The following ATP8A2 variants were observed in gnomAD, a reference collection of about 807,000 sequenced individuals.
The protein encoded by ATP8A2 is phospholipid-transporting ATPase IB.
ATP8A2 carries 100 observed loss-of-function variants against 165.6 expected under a neutral mutation model. The ratio of observed to expected loss-of-function variants is 0.60; its 90% CI spans 0.51 to 0.71. The LOEUF (loss-of-function observed/expected upper bound fraction) is 0.71. Among genes scored for constraint, ATP8A2 ranks in the 30% least tolerant of loss-of-function variants. The pLI is 0.00. For synonymous variants in ATP8A2, 543 were observed against 548.8 expected (o/e 0.99, Z 0.15); for missense variants, 1,227 against 1,479.5 (o/e 0.83, Z 2.80).
intron 25 of ATP8A2, among the ~76,000 whole-genome samples, chr13:25,733,174 A>C (rs1266449222): frequency 6.6e-6 from 1 of 152,222 alleles, no homozygotes; most frequent in Non-Finnish European, 1.5e-5. Flanking sequence ...TCTGATTAAC[A>C]GAGAAGTTAT....
chr13:25,957,496 C>A (rs962103506), intron 33 of ATP8A2, among the ~76,000 whole-genome samples: 4 of 152,176 alleles, frequency 2.6e-5, no homozygotes, highest in Non-Finnish European at 5.9e-5. Flanking sequence ...ATGCGGCCAA[C>A]AAACGTATGA....
intron 24 of ATP8A2, among the ~76,000 whole-genome samples, chr13:25,635,537 C>T (rs145566201): frequency 1.1e-3 from 173 of 152,264 alleles, no homozygotes; most frequent in African/African-American, 4.0e-3. Flanking sequence ...CTGTTTAAAT[C>T]CGTTTATTGC....
At chr13:25,659,037 A>T (rs2041994621) in intron 24 of ATP8A2, among the ~76,000 whole-genome samples, 1 of 152,182 alleles carries the variant, frequency 6.6e-6, no homozygotes, top group South Asian at 2.1e-4. Flanking sequence ...ATAGGAGGAA[A>T]GGAAGGTTGA....
chr13:25,622,101 G>A (rs2040983666), intron 24 of ATP8A2, among the ~76,000 whole-genome samples: 1 of 151,814 alleles, frequency 6.6e-6, no homozygotes, highest in Non-Finnish European at 1.5e-5. Context: ...AGCTACTTGG[G>A]AGGCTGAGGC....
At chr13:25,930,815 TGCATGG>T (rs1284742442) in intron 33 of ATP8A2, among the ~76,000 whole-genome samples, 1 of 152,196 alleles carries the variant, frequency 6.6e-6, no homozygotes, top group Non-Finnish European at 1.5e-5. Context: ...CCAGCTGCCA[TGCATGG>T]GCCTTAGGGT....
intron 25 of ATP8A2, among the ~76,000 whole-genome samples, chr13:25,725,709 C>T (rs1214487720): frequency 6.6e-6 from 1 of 152,208 alleles, no homozygotes. Flanking sequence ...CATTCTGACC[C>T]TGCCTTGTTG....
rs568912013 is a variant in ATP8A2 at position 25,769,882 on chromosome 13, C to A, written c.2568+653C>A. On this transcript the variant is annotated intron_variant, in intron 26 of 36. Coordinates refer to ENST00000381655, the MANE Select transcript of ATP8A2 (RefSeq NM_016529.6). ...CTGATCCGAGCCTCGCATGCCAGGGCTCCTGATGTGCTGTACTGCACTGGT... is the reference window on the plus strand; with the variant it reads ...CTGATCCGAGCCTCGCATGCCAGGGATCCTGATGTGCTGTACTGCACTGGT... Among the ~76,000 whole-genome samples the A allele has an allele frequency of 2.8e-4, 42 of 152,294 alleles. 1 individual carries two copies. Among genetic ancestry groups the A allele is most frequent in the African/African-American group, 9.6e-4 (40 of 41,570 alleles).
At chr13:26,019,057 A>G (rs1957042000) in intron 36 of ATP8A2, among the ~76,000 whole-genome samples, 3 of 152,282 alleles carry the variant, frequency 2.0e-5, no homozygotes, top group South Asian at 4.1e-4. Context: ...TTACATGGAA[A>G]CAACCCTACT....
At chr13:25,799,805 G>A (rs1950583146) in intron 27 of ATP8A2, among the ~76,000 whole-genome samples, 1 of 152,202 alleles carries the variant, frequency 6.6e-6, no homozygotes. Flanking sequence ...GCAGGGGGAT[G>A]TGATTGAGCA....
intron 27 of ATP8A2, among the ~76,000 whole-genome samples, chr13:25,781,224 G>C (rs564373905): frequency 6.6e-6 from 1 of 152,148 alleles, no homozygotes; most frequent in South Asian, 2.1e-4. Flanking sequence ...AGCCGAGATC[G>C]TGCCACTGCA....
chr13:25,378,639 G>A (rs1156614786), intron 1 of ATP8A2, among the ~76,000 whole-genome samples: 1 of 151,926 alleles, frequency 6.6e-6, no homozygotes, highest in East Asian at 1.9e-4. Context: ...TTTCTTTTTA[G>A]CATCTGTTCC....
intron 24 of ATP8A2, among the ~76,000 whole-genome samples, chr13:25,676,014 A>G (rs547976566): frequency 5.9e-5 from 9 of 152,308 alleles, no homozygotes; most frequent in African/African-American, 2.2e-4. Context: ...ATACATGTCA[A>G]AAATACTTAC....
intron 25 of ATP8A2, among the ~76,000 whole-genome samples, chr13:25,761,075 G>A (rs2138246299): frequency 1.3e-5 from 2 of 152,324 alleles, no homozygotes; most frequent in South Asian, 4.1e-4. Context: ...GACTCCTGGT[G>A]TTGTGACCTT....
chr13:25,372,140 C>G lies in ATP8A2; in HGVS notation c.-73C>G, dbSNP rs950643734. ...TGGCCCACCCATGGTCCTCGGGCGGCGGCCCCTGCGCCCAGCCCTGCGCGT... is the reference window on the plus strand; with the variant it reads ...TGGCCCACCCATGGTCCTCGGGCGGGGGCCCCTGCGCCCAGCCCTGCGCGT... On this transcript the variant is annotated 5_prime_UTR_variant, in exon 1 of 37. Transcript: ENST00000381655. This position sits in a 1 kb window ranked among gnomAD's most constrained non-coding sequence, Gnocchi z 4.8. 6.3e-5 allele frequency: 68 copies of G among 1,082,276 alleles called. No individual in the cohort carries two copies. In the African/African-American group the frequency reaches 9.8e-4, roughly 16 times the overall value. The allele number at this position is 1,082,276 out of a possible 1,614,324, so 67.0% of individuals were successfully genotyped here.
intron 33 of ATP8A2, chr13:25,944,881 C>T (rs1212009602): frequency 2.0e-5 from 3 of 152,160 alleles, no homozygotes; most frequent in East Asian, 3.9e-4. Context: ...TACTGTATGA[C>T]CTTGGACTGT....
chr13:25,643,801 T>C (rs977668344), intron 24 of ATP8A2, among the ~76,000 whole-genome samples: 1 of 152,024 alleles, frequency 6.6e-6, no homozygotes. Flanking sequence ...AAAAATGACT[T>C]TGAAATCTTG....
At chr13:25,702,663 G>A (rs1228546865) in intron 25 of ATP8A2, among the ~76,000 whole-genome samples, 1 of 152,176 alleles carries the variant, frequency 6.6e-6, no homozygotes, top group Non-Finnish European at 1.5e-5. Context: ...CTATGTTATT[G>A]TATTTGCCTC....
chr13:25,824,173 G>A (rs1593404203), intron 27 of ATP8A2, among the ~76,000 whole-genome samples: 1 of 152,274 alleles, frequency 6.6e-6, no homozygotes, highest in South Asian at 2.1e-4. Context: ...TTTTCACCAT[G>A]TTGGACCAGG....
chr13:25,825,837 C>T (rs901721706), intron 27 of ATP8A2, among the ~76,000 whole-genome samples: 2 of 152,086 alleles, frequency 1.3e-5, no homozygotes, highest in East Asian at 3.9e-4. Flanking sequence ...CTTAGTTCTT[C>T]ACCAATATTT....
Sources: allele counts gnomAD v4.1 joint callset (sites outside exome capture counted in the v4.1 genomes callset), GRCh38; gene constraint gnomAD v4.1.1; non-coding constraint Gnocchi (gnomAD v3.1); transcripts MANE v1.5; gene names NCBI Gene and HGNC (gene_info 2026-07-23, HGNC 2026-07-21).